The following CALD1 variants were observed in gnomAD, a reference collection of about 807,000 sequenced individuals.
The protein encoded by CALD1 is caldesmon 1.
CALD1 carries 33 observed loss-of-function variants against 99.9 expected under a neutral mutation model. That is an observed-to-expected ratio of 0.33 (90% confidence interval 0.25 to 0.44). CALD1 has a LOEUF of 0.44. CALD1 is among the 20% of genes least tolerant of loss of function. The pLI is 1.00. For missense variants in CALD1, 861 were observed against 962.1 expected (o/e 0.89, Z 1.39); for synonymous variants, 310 against 325.0 (o/e 0.95, Z 0.50).
intron 1 of CALD1, among the ~76,000 whole-genome samples, chr7:134,806,627 T>C (rs1012497926): frequency 6.6e-6 from 1 of 152,236 alleles, no homozygotes; most frequent in Admixed American, 6.5e-5. Context: ...GCTTCTTGGA[T>C]CTGCTTAGTC....
chr7:134,756,004 A>G (rs923590849), intron 1 of CALD1, among the ~76,000 whole-genome samples: 1 of 152,158 alleles, frequency 6.6e-6, no homozygotes, highest in African/African-American at 2.4e-5. Context: ...TTGAATAGAC[A>G]TCCAAAAGAC....
chr7:134,929,646 G>GTGTGTGTGTGTA (rs1488854871), intron 4 of CALD1, among the ~76,000 whole-genome samples: 5 of 7,916 alleles, frequency 6.3e-4, no homozygotes, highest in Admixed American at 1.4e-3. Context: ...GTGTGTGTGT[G>GTGTGTGTGTGTA]TATATATATA....
At chr7:134,847,428 G>A (rs1457763254) in intron 2 of CALD1, among the ~76,000 whole-genome samples, 1 of 152,106 alleles carries the variant, frequency 6.6e-6, no homozygotes, top group East Asian at 1.9e-4. Context: ...AGAAGGTCTG[G>A]AATCCACTCC....
chr7:134,739,744 T>C (rs931800534), upstream of CALD1, among the ~76,000 whole-genome samples: 1 of 152,120 alleles, frequency 6.6e-6, no homozygotes, highest in Non-Finnish European at 1.5e-5. Flanking sequence ...GATCACTTCA[T>C]GTGACTTCAC....
At position 134,938,482 on chromosome 7, in the gene CALD1, A is replaced by T. The variant is rs1049404659; in HGVS notation, c.1387-2610A>T. ...CCTTTTTTATGAGTATGCTAATGTT[A>T]TCTGTGTATGAAGCACACAAACTTT... On this transcript the variant is annotated intron_variant, in intron 6 of 14. Transcript: ENST00000361675. Among the ~76,000 whole-genome samples the T allele has an allele frequency of 4.6e-5, 7 of 152,302 alleles. 1 individual carries two copies. In the South Asian group the frequency reaches 6.2e-4, roughly 14 times the overall value.
At chr7:134,960,948 G>A (rs895967290) in intron 13 of CALD1, 2 of 177,176 alleles carry the variant, frequency 1.1e-5, no homozygotes, top group African/African-American at 4.7e-5. Flanking sequence ...ATTCTGGATA[G>A]AAATTTGAAA....
chr7:134,806,858 T>C (rs1465829884), intron 1 of CALD1, among the ~76,000 whole-genome samples: 2 of 152,178 alleles, frequency 1.3e-5, no homozygotes, highest in South Asian at 2.1e-4. Context: ...TTTCTGGTAG[T>C]TTTTCCTGTC....
At chr7:134,891,628 G>T in intron 3 of CALD1, 1 of 1,610,120 alleles carries the variant, frequency 6.2e-7, no homozygotes, top group African/African-American at 1.3e-5. Flanking sequence ...GACATGCTGG[G>T]TGGATCCGGA....
At chr7:134,753,912 C>T (rs1280382253) in intron 1 of CALD1, among the ~76,000 whole-genome samples, 1 of 152,228 alleles carries the variant, frequency 6.6e-6, no homozygotes, top group African/African-American at 2.4e-5. Flanking sequence ...TCTGGCTTTG[C>T]AAGCTCCCCT....
chr7:134,914,110 G>A (rs1043977652), intron 3 of CALD1, among the ~76,000 whole-genome samples: 1 of 152,140 alleles, frequency 6.6e-6, no homozygotes, highest in African/African-American at 2.4e-5. Context: ...CATCTTAGAT[G>A]CTCACTACCT....
At chr7:134,865,724 G>A (rs1181212128) in intron 2 of CALD1, among the ~76,000 whole-genome samples, 5 of 152,224 alleles carry the variant, frequency 3.3e-5, no homozygotes, top group South Asian at 4.2e-4. Context: ...GACACTGCCC[G>A]GCTCTGCAGA....
At chr7:134,754,724 A>C (rs1215557238) in intron 1 of CALD1, among the ~76,000 whole-genome samples, 1 of 124,344 alleles carries the variant, frequency 8.0e-6, no homozygotes, top group Non-Finnish European at 1.7e-5. Context: ...TTCACCACAT[A>C]TAGAGTTCAT....
intron 1 of CALD1, among the ~76,000 whole-genome samples, chr7:134,780,002 G>A (rs752427234): frequency 4.6e-5 from 7 of 152,142 alleles, no homozygotes; most frequent in Non-Finnish European, 1.0e-4. Context: ...TACATTTAGG[G>A]AACACTGGCA....
intron 1 of CALD1, among the ~76,000 whole-genome samples, chr7:134,804,656 G>A (rs376377729): frequency 5.3e-5 from 8 of 152,274 alleles, no homozygotes; most frequent in Non-Finnish European, 7.3e-5. Context: ...TTGAACAAGC[G>A]TCCAGGGACG....
At chr7:134,880,643 T>C (rs1172529409) in intron 3 of CALD1, among the ~76,000 whole-genome samples, 1 of 95,436 alleles carries the variant, frequency 1.0e-5, no homozygotes. Flanking sequence ...TGGAGTTTCA[T>C]TTGGGGGATC....
intron 2 of CALD1, among the ~76,000 whole-genome samples, chr7:134,853,962 G>A (rs1231622863): frequency 2.0e-5 from 3 of 151,758 alleles, no homozygotes; most frequent in East Asian, 1.9e-4. Flanking sequence ...AACATGCGGT[G>A]TTTGGTTTTC....
intron 1 of CALD1, among the ~76,000 whole-genome samples, chr7:134,781,947 C>T (rs964631207): frequency 2.0e-5 from 3 of 152,200 alleles, no homozygotes; most frequent in Non-Finnish European, 4.4e-5. Flanking sequence ...TTCTAATTGG[C>T]TCCTGTGACT....
At position 134,865,011 on chromosome 7, in the gene CALD1, A is replaced by ATGT. The variant is rs1320966076; in HGVS notation, c.-41-2682_-41-2681insTGT. On this transcript the variant is annotated intron_variant, in intron 2 of 14. Coordinates refer to ENST00000361675, the MANE Select transcript of CALD1 (RefSeq NM_033138.4). ...TCACACTACTCTATTTGTGACACCC[A>ATGT]GAGCCTCACGACTGATGGAATCACC... Among the ~76,000 whole-genome samples the ATGT allele has an allele frequency of 5.9e-5, 9 of 152,272 alleles. No homozygotes were observed. In the East Asian group the frequency reaches 1.7e-3, roughly 29 times the overall value.
upstream of CALD1, among the ~76,000 whole-genome samples, chr7:134,742,630 C>T (rs1475899378): frequency 6.6e-6 from 1 of 152,184 alleles, no homozygotes; most frequent in Admixed American, 6.5e-5. Context: ...AACTTGTCAC[C>T]GCAGGCAGCC....
Sources: allele counts gnomAD v4.1 joint callset (sites outside exome capture counted in the v4.1 genomes callset), GRCh38; gene constraint gnomAD v4.1.1; transcripts MANE v1.5; gene names NCBI Gene and HGNC (gene_info 2026-07-23, HGNC 2026-07-21).